SLC41A2: variants seen among roughly 807,000 people sequenced by gnomAD.
SLC41A2 encodes SLC41A1-like 1.
SLC41A2 carries 32 observed loss-of-function variants against 58.3 expected under a neutral mutation model. The observed-to-expected ratio is 0.55, with a 90% CI of 0.41 to 0.74. The LOEUF is 0.74. SLC41A2 is among the 30% of genes least tolerant of loss of function. SLC41A2 has a pLI of 0.00. For synonymous variants in SLC41A2, 190 were observed against 235.0 expected, an observed-to-expected ratio of 0.81 and a Z score of 1.75; for missense variants, 514 against 680.6, an observed-to-expected ratio of 0.76 and a Z score of 2.72.
chr12:104,955,236 G>A (rs986283890), intron 1 of SLC41A2, among the ~76,000 whole-genome samples: 3 of 151,772 alleles, frequency 2.0e-5, no homozygotes, highest in Non-Finnish European at 1.5e-5. Flanking sequence ...GTCTGGTCTC[G>A]AACTCCCAAC....
At chr12:104,814,029 T>C (rs1249963050) in intron 10 of SLC41A2, among the ~76,000 whole-genome samples, 10 of 152,232 alleles carry the variant, frequency 6.6e-5, no homozygotes, top group Admixed American at 6.5e-4. Flanking sequence ...GTAAAACTTT[T>C]AGCTATGAAT....
intron 2 of SLC41A2, among the ~76,000 whole-genome samples, chr12:104,916,552 C>G (rs1253181413): frequency 1.3e-5 from 2 of 152,152 alleles, no homozygotes. Context: ...TTGGAGGCAT[C>G]ACGCTACCTG....
At chr12:104,915,748 G>C (rs944134037) in intron 2 of SLC41A2, among the ~76,000 whole-genome samples, 2 of 152,074 alleles carry the variant, frequency 1.3e-5, no homozygotes, top group Admixed American at 1.3e-4. Flanking sequence ...TTTCCTAATT[G>C]AATACCCTGT....
rs568948151 is a variant in SLC41A2, at chr12:104,910,951, A to G, written c.556-1189T>C. On this transcript the variant is annotated intron_variant, in intron 2 of 10. Transcript: ENST00000258538. ...AGAGTCTGGCAACTTTTTAAGTCTG[A>G]TAAGAAACATTTACCATCTATTCTC... 8.5e-5 allele frequency among the ~76,000 whole-genome samples: 13 copies of G among 152,292 alleles called. No homozygotes were observed. In the South Asian group the frequency reaches 2.7e-3, roughly 32 times the overall value.
At chr12:104,842,054 T>A (rs1322395043) in intron 10 of SLC41A2, among the ~76,000 whole-genome samples, 20 of 152,026 alleles carry the variant, frequency 1.3e-4, no homozygotes, top group Middle Eastern at 6.3e-3. Context: ...GAATATAAAT[T>A]TAACCTAGAT....
intron 3 of SLC41A2, 36 bp downstream of exon 3, chr12:104,909,619 G>T: frequency 7.5e-7 from 1 of 1,340,188 alleles, no homozygotes; most frequent in Non-Finnish European, 1.1e-6. Flanking sequence ...AAACAGGATA[G>T]GTAATACACA....
At chr12:104,949,802 C>T (rs906058411) in intron 1 of SLC41A2, among the ~76,000 whole-genome samples, 3 of 152,122 alleles carry the variant, frequency 2.0e-5, no homozygotes, top group Admixed American at 6.5e-5. Flanking sequence ...AGGCTGGCCT[C>T]GAACTCCCGA....
intron 10 of SLC41A2, among the ~76,000 whole-genome samples, chr12:104,821,983 T>C (rs1216270220): frequency 1.3e-5 from 2 of 152,222 alleles, no homozygotes; most frequent in Non-Finnish European, 2.9e-5. Flanking sequence ...ACACCTGCCA[T>C]GGACACTCCC....
chr12:104,870,317 C>T (rs1329261674), intron 6 of SLC41A2, among the ~76,000 whole-genome samples: 1 of 152,118 alleles, frequency 6.6e-6, no homozygotes, highest in Non-Finnish European at 1.5e-5. Context: ...TCCCCAAGAC[C>T]AGAAGGATCC....
At chr12:104,848,227 T>C (rs1176921183) in intron 8 of SLC41A2, among the ~76,000 whole-genome samples, 2 of 152,130 alleles carry the variant, frequency 1.3e-5, no homozygotes, top group Non-Finnish European at 2.9e-5. Context: ...AAATAACCCA[T>C]AGTTCAAAGA....
At chr12:104,936,071 G>A (rs2047259205) in intron 1 of SLC41A2, among the ~76,000 whole-genome samples, 3 of 151,630 alleles carry the variant, frequency 2.0e-5, no homozygotes, top group African/African-American at 7.3e-5. Flanking sequence ...GTTGCCTAGT[G>A]ACATCATAGC....
chr12:104,861,613 AG>A, intron 7 of SLC41A2, among the ~76,000 whole-genome samples: 1 of 152,356 alleles, frequency 6.6e-6, no homozygotes, highest in African/African-American at 2.4e-5. Context: ...ACTTGTGAAA[AG>A]AAAAAGCATA....
rs2043464388 is a variant in SLC41A2 at position 104,866,499 on chromosome 12, G to A, written c.1108C>T (p.His370Tyr). Residue 370 changes from histidine (H) to tyrosine (Y), a missense_variant, in exon 7 of 11, where the codon CAT (histidine) becomes TAT (tyrosine). His to Tyr is a moderately conservative substitution (Grantham distance 83, BLOSUM62 2). This residue lies in a region of SLC41A2 where 50 missense variants were observed against 104.5 expected (regional missense o/e 0.48). Coordinates refer to ENST00000258538, the MANE Select transcript of SLC41A2 (RefSeq NM_001352171.3). ...TPIWIIIAAK[H>Y]PATRTVLHSG... The stretch of plus-strand genomic sequence containing the variant: ...TGGAGAACTGTTCTTGTGGCTGGAT[G>A]TTTGGCAGCTATTATAATCCAAATA... The A allele has an allele frequency of 6.2e-7, 1 of 1,610,694 alleles. No homozygotes were observed. Among genetic ancestry groups the A allele is most frequent in the Non-Finnish European group, 8.5e-7 (1 of 1,178,922 alleles).
At chr12:104,832,469 A>G (rs2042071210) in intron 10 of SLC41A2, among the ~76,000 whole-genome samples, 1 of 152,162 alleles carries the variant, frequency 6.6e-6, no homozygotes, top group Non-Finnish European at 1.5e-5. Flanking sequence ...TATCAACCCC[A>G]TCAACAGGAC....
At chr12:104,942,583 C>T (rs892512098) in intron 1 of SLC41A2, among the ~76,000 whole-genome samples, 2 of 151,972 alleles carry the variant, frequency 1.3e-5, no homozygotes, top group South Asian at 4.2e-4. Context: ...GTCACAGGAA[C>T]GTTTATTTAG....
chr12:104,944,043 C>CA (rs777698651), intron 1 of SLC41A2, among the ~76,000 whole-genome samples: 71 of 150,026 alleles, frequency 4.7e-4, no homozygotes, highest in Non-Finnish European at 8.0e-4. Context: ...CTTGCAACTA[C>CA]AAAAAAAAGG....
At chr12:104,867,837 G>A (rs1187971106) in intron 6 of SLC41A2, among the ~76,000 whole-genome samples, 4 of 149,484 alleles carry the variant, frequency 2.7e-5, no homozygotes, top group Non-Finnish European at 4.4e-5. Context: ...ATCTTTGACT[G>A]AATTTTCTTT....
chr12:104,911,391 T>A (rs2046079457), intron 2 of SLC41A2, among the ~76,000 whole-genome samples: 1 of 151,774 alleles, frequency 6.6e-6, no homozygotes, highest in Non-Finnish European at 1.5e-5. Flanking sequence ...CACATGATAA[T>A]GAAAATAACA....
chr12:104,853,911 A>ATTATTATTATTATTATTTT lies in SLC41A2; in HGVS notation c.1255+7379_1255+7380insAAAATAATAATAATAATAA. ...GGGTGCATGTCACCATGCCTGGCTG[A>ATTATTATTATTATTATTTT]TTTTTTTTTTTTTTTTTTTTTTTTT... On this transcript the variant is annotated intron_variant, in intron 8 of 10. Transcript: ENST00000258538. 7.1e-4 allele frequency among the ~76,000 whole-genome samples: 42 copies of ATTATTATTATTATTATTTT among 59,496 alleles called. 3 individuals carry two copies. The highest frequency in any genetic ancestry group is 1.7e-3 in the African/African-American group (24 of 14,476). The allele number at this position is 59,496 out of a possible 152,430, so 39.0% of individuals were successfully genotyped here. A position where few individuals can be genotyped will look rare whatever the true frequency, so the allele number is the denominator to read the frequency against.
Sources: allele counts gnomAD v4.1 joint callset (sites outside exome capture counted in the v4.1 genomes callset), GRCh38; gene constraint gnomAD v4.1.1; regional missense constraint gnomAD v4.1.1; transcripts MANE v1.5; gene names NCBI Gene and HGNC (gene_info 2026-07-23, HGNC 2026-07-21).